OR7C1: variants seen among roughly 807,000 people sequenced by gnomAD.
OR7C1 encodes the protein olfactory receptor family 7 subfamily C member 1, also known as olfactory receptor 7C1.
For synonymous variants in OR7C1, 152 were observed against 160.7 expected (o/e 0.95, Z 0.41); for missense variants, 324 against 383.3 (o/e 0.85, Z 1.29).
At chr19:14,823,850 G>T (rs2044752591) in intron 1 of OR7C1, among the ~76,000 whole-genome samples, 2 of 150,394 alleles carry the variant, frequency 1.3e-5, no homozygotes, top group South Asian at 4.2e-4. Context: ...TCTGCATATG[G>T]ATATCCAGTT....
intron 1 of OR7C1, among the ~76,000 whole-genome samples, chr19:14,822,970 CTGTTGATTG>C (rs2044748274): frequency 6.6e-6 from 1 of 151,936 alleles, no homozygotes; most frequent in African/African-American, 2.4e-5. Context: ...GGTTGCCTCT[CTGTTGATTG>C]TTTTCTTTGC....
chr19:14,823,536 A>T (rs1188421754), intron 1 of OR7C1, among the ~76,000 whole-genome samples: 1 of 152,212 alleles, frequency 6.6e-6, no homozygotes, highest in Non-Finnish European at 1.5e-5. Flanking sequence ...CTAGTGGTGA[A>T]GTCTGGGCTT....
chr19:14,807,841 A>G (rs1338218764), intron 2 of OR7C1, among the ~76,000 whole-genome samples: 1 of 151,574 alleles, frequency 6.6e-6, no homozygotes, highest in Non-Finnish European at 1.5e-5. Flanking sequence ...GCTTGCAGTG[A>G]GCCGAGATTG....
intron 2 of OR7C1, among the ~76,000 whole-genome samples, chr19:14,801,037 A>G (rs996802458): frequency 6.6e-6 from 1 of 152,146 alleles, no homozygotes; most frequent in African/African-American, 2.4e-5. Context: ...TCCGTGTTCT[A>G]AATTTTCCTA....
intron 1 of OR7C1, among the ~76,000 whole-genome samples, chr19:14,823,201 C>A (rs2044749248): frequency 6.6e-6 from 1 of 152,040 alleles, no homozygotes; most frequent in South Asian, 2.1e-4. Flanking sequence ...GCCTGTAATC[C>A]CAGCACTTTG....
chr19:14,808,752 T>G (rs1415401544), intron 2 of OR7C1, among the ~76,000 whole-genome samples: 1 of 152,024 alleles, frequency 6.6e-6, no homozygotes, highest in Non-Finnish European at 1.5e-5. Context: ...CAAACGTACT[T>G]GCATTCATTA....
intron 1 of OR7C1, among the ~76,000 whole-genome samples, chr19:14,817,203 C>T (rs1412541461): frequency 6.6e-6 from 1 of 152,156 alleles, no homozygotes; most frequent in East Asian, 1.9e-4. Context: ...CAGCCCATTC[C>T]AGGTGGGAAT....
chr19:14,827,324 C>T (rs759075286), intron 1 of OR7C1: 126 of 1,579,048 alleles, frequency 8.0e-5, no homozygotes, highest in Non-Finnish European at 9.7e-5. Flanking sequence ...TTGTTCCCCA[C>T]AACAAATGTA....
At chr19:14,816,164 G>A (rs946099083) in intron 1 of OR7C1, among the ~76,000 whole-genome samples, 1 of 151,940 alleles carries the variant, frequency 6.6e-6, no homozygotes, top group African/African-American at 2.4e-5. Context: ...TGAAAGGAGC[G>A]TACCCCATAA....
intron 2 of OR7C1, among the ~76,000 whole-genome samples, chr19:14,808,844 CAT>C (rs2044677916): frequency 6.6e-6 from 1 of 151,984 alleles, no homozygotes; most frequent in Non-Finnish European, 1.5e-5. Context: ...CGTTAGAACT[CAT>C]AGAGTCATAT....
intron 2 of OR7C1, among the ~76,000 whole-genome samples, chr19:14,803,384 C>A (rs989889626): frequency 6.6e-6 from 1 of 151,530 alleles, no homozygotes; most frequent in African/African-American, 2.4e-5. Flanking sequence ...GCTGGCTGCT[C>A]CATCCTAATC....
exon 5 of OR7C1, chr19:14,799,538 T>C (rs753783746): frequency 6.2e-7 from 1 of 1,614,200 alleles, no homozygotes. Context: ...AGTTGCAAAG[T>C]ATATCACCAC....
chr19:14,815,691 G>T (rs2015034084), intron 1 of OR7C1, among the ~76,000 whole-genome samples: 2 of 152,140 alleles, frequency 1.3e-5, no homozygotes, highest in African/African-American at 4.8e-5. Flanking sequence ...ATTTTCTGGA[G>T]ATATCAAGGG....
chr19:14,799,962 T>C, exon 5 of OR7C1: 1 of 1,613,870 alleles, frequency 6.2e-7, no homozygotes, highest in African/African-American at 1.3e-5. Context: ...AAGAAGTACA[T>C]GGGGGTGTGG....
At chr19:14,808,746 C>A (rs1033528505) in intron 2 of OR7C1, among the ~76,000 whole-genome samples, 1 of 151,972 alleles carries the variant, frequency 6.6e-6, no homozygotes, top group African/African-American at 2.4e-5. Context: ...GTAACACAAA[C>A]GTACTTGCAT....
At chr19:14,808,100 A>T (rs1599914548) in intron 2 of OR7C1, among the ~76,000 whole-genome samples, 2 of 52,516 alleles carry the variant, frequency 3.8e-5, no homozygotes, top group South Asian at 5.1e-4. Flanking sequence ...TTAAAGAAAT[A>T]AAAAAAAAAA....
At chr19:14,809,389 C>T (rs1599915255) in intron 2 of OR7C1, among the ~76,000 whole-genome samples, 1 of 151,870 alleles carries the variant, frequency 6.6e-6, no homozygotes, top group Admixed American at 6.6e-5. Flanking sequence ...GAGAGTGGCC[C>T]TGGAATTGTG....
chr19:14,799,981 G>A (rs901494006), exon 5 of OR7C1: 1 of 1,614,144 alleles, frequency 6.2e-7, no homozygotes, highest in Non-Finnish European at 8.5e-7. Flanking sequence ...GGAGGTGGGA[G>A]TCTGAGCATA....
chr19:14,827,836 T>C lies in OR7C1; in HGVS notation c.-623+7238A>G, dbSNP rs374756065. On this transcript the variant is annotated intron_variant, in intron 1 of 4. Transcript: ENST00000641666. The stretch of plus-strand genomic sequence containing the variant: ...AGCAGTCCACAGAGGTGAGGGTTCA[T>C]AATGACCATGTAGTGCAGGGGGTGA... The C allele has an allele frequency of 5.4e-5, 87 of 1,614,152 alleles. No individual in the cohort carries two copies. The highest frequency in any genetic ancestry group is 3.8e-4 in the South Asian group (35 of 91,076).
Sources: gnomAD v4.1 joint callset for allele counts (sites outside exome capture counted in the v4.1 genomes callset) on GRCh38, gnomAD v4.1.1 for gene constraint, MANE v1.5 for transcripts, NCBI Gene and HGNC (gene_info 2026-07-23, HGNC 2026-07-21) for gene names.